Variants in NBAS observed in about 807,000 individuals in gnomAD.
NBAS encodes the protein NBAS subunit of NRZ tethering complex.
In NBAS, 219 loss-of-function variants were observed where a neutral mutation model predicts 302.5. The ratio of observed to expected loss-of-function variants is 0.72; its 90% CI spans 0.65 to 0.81. The LOEUF is 0.81. Ranked by LOEUF, NBAS falls within the 30% of genes least tolerant of loss-of-function variation. NBAS has a pLI of 0.00. For missense variants in NBAS, 2,932 were observed against 2,841.6 expected, an observed-to-expected ratio of 1.03 and a Z score of -0.72; for synonymous variants, 1,118 against 1,021.6, an observed-to-expected ratio of 1.09 and a Z score of -1.80.
chr2:15,465,692 C>A (rs1036553985), intron 19 of NBAS, among the ~76,000 whole-genome samples: 3 of 152,046 alleles, frequency 2.0e-5, no homozygotes, highest in African/African-American at 7.2e-5. Context: ...ACCTACTTTT[C>A]AAGAACTTTG....
At chr2:15,406,116 C>CATGAAAAAAAAAAAAAAA (rs1676400392) in intron 25 of NBAS, among the ~76,000 whole-genome samples, 6 of 134,496 alleles carry the variant, frequency 4.5e-5, no homozygotes, top group Non-Finnish European at 7.8e-5. Context: ...AAAAAAAAAA[C>CATGAAAAAAAAAAAAAAA]AAAACAAAAA....
At chr2:15,002,796 C>T in the NBAS span, among the ~76,000 whole-genome samples, 1 of 152,348 alleles carries the variant, frequency 6.6e-6, no homozygotes, top group South Asian at 2.1e-4. Context: ...CCCCTCATTG[C>T]CCAGGGCCGG....
the NBAS span, among the ~76,000 whole-genome samples, chr2:14,915,656 G>A: frequency 6.6e-5 from 10 of 152,194 alleles, no homozygotes; most frequent in Non-Finnish European, 7.4e-5. Flanking sequence ...TCTGTCTCCC[G>A]GGTTCAAGCA....
At chr2:15,310,047 C>T (rs1051894548) in intron 38 of NBAS, among the ~76,000 whole-genome samples, 2 of 152,224 alleles carry the variant, frequency 1.3e-5, no homozygotes, top group African/African-American at 2.4e-5. Context: ...GGATAGTATA[C>T]GAATAATTCA....
chr2:15,458,716 G>A (rs1679359276), intron 21 of NBAS, among the ~76,000 whole-genome samples: 1 of 152,038 alleles, frequency 6.6e-6, no homozygotes, highest in Non-Finnish European at 1.5e-5. Context: ...AACACAAACA[G>A]ACTAATACAA....
At chr2:15,420,531 C>T (rs992727263) in intron 23 of NBAS, among the ~76,000 whole-genome samples, 2 of 151,236 alleles carry the variant, frequency 1.3e-5, no homozygotes, top group Non-Finnish European at 2.9e-5. Flanking sequence ...TTTATGCCCA[C>T]AAAAAGGGGA....
At chr2:15,393,295 G>A (rs558586358) in intron 28 of NBAS, among the ~76,000 whole-genome samples, 1 of 151,938 alleles carries the variant, frequency 6.6e-6, no homozygotes, top group East Asian at 1.9e-4. Flanking sequence ...TCTTCGCAAA[G>A]CATATATCTA....
chr2:15,471,044 G>C (rs1400181870), intron 16 of NBAS, among the ~76,000 whole-genome samples: 4 of 152,122 alleles, frequency 2.6e-5, no homozygotes, highest in Non-Finnish European at 4.4e-5. Context: ...ACAGTCCCTA[G>C]CATAGTGCTC....
At chr2:15,112,673 G>A in the NBAS span, among the ~76,000 whole-genome samples, 9 of 151,914 alleles carry the variant, frequency 5.9e-5, no homozygotes, top group African/African-American at 1.9e-4. Context: ...AAATAATGTT[G>A]TCATCAAAAA....
chr2:15,422,583 T>C (rs554557196), intron 23 of NBAS, among the ~76,000 whole-genome samples: 5 of 152,100 alleles, frequency 3.3e-5, no homozygotes, highest in South Asian at 2.1e-4. Flanking sequence ...TTGCATTCCA[T>C]TGTGGCATTT....
chr2:14,871,611 T>A, the NBAS span, among the ~76,000 whole-genome samples: 1 of 152,046 alleles, frequency 6.6e-6, no homozygotes, highest in African/African-American at 2.4e-5. Flanking sequence ...TTATAACATG[T>A]GGAAGTAAAA....
chr2:15,189,708 G>A (rs1665256055), intron 49 of NBAS, among the ~76,000 whole-genome samples: 1 of 152,084 alleles, frequency 6.6e-6, no homozygotes, highest in African/African-American at 2.4e-5. Context: ...AAACAACAGG[G>A]GCTGTGAAGG....
At chr2:15,130,977 T>C in the NBAS span, among the ~76,000 whole-genome samples, 3 of 152,234 alleles carry the variant, frequency 2.0e-5, no homozygotes, top group African/African-American at 7.2e-5. Context: ...TTTTATTATG[T>C]TTCATAGTGA....
At chr2:15,366,498 C>A in intron 32 of NBAS, 82 bp downstream of exon 32, 8 of 1,315,142 alleles carry the variant, frequency 6.1e-6, no homozygotes, top group Non-Finnish European at 8.8e-6. Context: ...ACGCTGTAAG[C>A]ACATATTCTG....
intron 12 of NBAS, chr2:15,483,304 T>C: frequency 2.4e-6 from 1 of 417,696 alleles, no homozygotes. Flanking sequence ...TATATCAAGA[T>C]TCATCGCATC....
chr2:15,537,478 T>TATTAAA (rs1407535338), intron 7 of NBAS, among the ~76,000 whole-genome samples: 1 of 152,180 alleles, frequency 6.6e-6, no homozygotes, highest in African/African-American at 2.4e-5. Context: ...TATATCCCTC[T>TATTAAA]ATTAAAATGG....
At chr2:14,835,073 G>C in the NBAS span, among the ~76,000 whole-genome samples, 2 of 151,982 alleles carry the variant, frequency 1.3e-5, no homozygotes, top group Non-Finnish European at 2.9e-5. Context: ...AGAAGGATGA[G>C]TCAATGATGA....
chr2:15,291,925 AAACTTTAAAAAAAAATAGT>A (rs1670321288), intron 41 of NBAS, among the ~76,000 whole-genome samples: 1 of 152,188 alleles, frequency 6.6e-6, no homozygotes, highest in Non-Finnish European at 1.5e-5. Context: ...AAACTACAGG[AAACTTTAAAAAAAAATAGT>A]AACTTTAAAA....
At position 15,366,572 on chromosome 2, in the gene NBAS, A is replaced by C; in HGVS notation, c.3817+8T>G. The C allele has an allele frequency of 6.2e-7, 1 of 1,609,710 alleles. No homozygotes were observed. The highest frequency in any genetic ancestry group is 8.5e-7 in the Non-Finnish European group (1 of 1,175,998). ...CTTATTCTGCAGTTTAGTACTCAAAAGACTTACCTGCAACCCTCAGCAGCT... is the reference window on the plus strand; with the variant it reads ...CTTATTCTGCAGTTTAGTACTCAAACGACTTACCTGCAACCCTCAGCAGCT... On this transcript the variant is annotated splice_region_variant and intron_variant, in intron 32 of 51. Transcript: ENST00000281513.
Sources: gnomAD v4.1 joint callset for allele counts (sites outside exome capture counted in the v4.1 genomes callset) on GRCh38, gnomAD v4.1.1 for gene constraint, MANE v1.5 for transcripts, NCBI Gene and HGNC (gene_info 2026-07-23, HGNC 2026-07-21) for gene names.